SHROOM3: variants seen among roughly 807,000 people sequenced by gnomAD.
SHROOM3 encodes the protein shroom family member 3.
A neutral mutation model predicts 138.6 loss-of-function variants in SHROOM3; 47 were observed. The observed-to-expected ratio is 0.34, with a 90% CI of 0.27 to 0.43. SHROOM3 has a LOEUF of 0.43. Ranked by LOEUF, SHROOM3 falls within the 20% of genes least tolerant of loss-of-function variation. The pLI is 1.00. For missense variants in SHROOM3, 2,491 were observed against 2,596.5 expected, an observed-to-expected ratio of 0.96 and a Z score of 0.88; for synonymous variants, 1,062 against 1,063.3, an observed-to-expected ratio of 1.00 and a Z score of 0.02.
Position 76,775,659 on chromosome 4 carries a change from A to G in SHROOM3, c.5623-3150A>G, listed in dbSNP as rs1722528374. ...GAACCAGCCCAAATGCCCATCAATTAACAAGTGAATAAAGAAAATGTGTGT... is the reference window on the plus strand; with the variant it reads ...GAACCAGCCCAAATGCCCATCAATTGACAAGTGAATAAAGAAAATGTGTGT... On this transcript the variant is annotated intron_variant, in intron 10 of 10. Transcript: ENST00000296043. Among the ~76,000 whole-genome samples the G allele has an allele frequency of 3.3e-5, 5 of 151,470 alleles. No homozygotes were observed. The South Asian group carries it at 1.0e-3, about 32-fold the overall frequency.
intron 1 of SHROOM3, among the ~76,000 whole-genome samples, chr4:76,542,854 C>T (rs1470743820): frequency 1.3e-5 from 2 of 152,208 alleles, no homozygotes; most frequent in Non-Finnish European, 2.9e-5. Context: ...TGGCCCTAGA[C>T]CTTCTGGTAC....
Position 76,739,968 on chromosome 4 carries a change from C to G in SHROOM3, c.1795C>G (p.His599Asp). 6.2e-7 allele frequency: 1 copy of G among 1,614,154 alleles called. No individual in the cohort carries two copies. The highest frequency in any genetic ancestry group is 8.5e-7 in the Non-Finnish European group (1 of 1,180,046). ...CACCCACAGTAACAAACCATCTTCTCATCCCCACAGCCTCAAATGCCCTCA... is the reference window on the plus strand; with the variant it reads ...CACCCACAGTAACAAACCATCTTCTGATCCCCACAGCCTCAAATGCCCTCA... ...KSTHSNKPSS[H>D]PHSLKCPQAQ... Residue 599 changes from histidine (H) to aspartate (D), a missense_variant, in exon 5 of 11, where the codon CAT (histidine) becomes GAT (aspartate). This residue lies in a region of SHROOM3 where 1,733 missense variants were observed against 1,661.6 expected (regional missense o/e 1.04). Coordinates refer to ENST00000296043, the MANE Select transcript of SHROOM3 (RefSeq NM_020859.4).
In SHROOM3 at chr4:76,740,047, C is replaced by T; in HGVS notation, c.1874C>T (p.Pro625Leu). 2.5e-6 allele frequency: 4 copies of T among 1,613,864 alleles called. No individual in the cohort carries two copies. The highest frequency in any genetic ancestry group is 3.4e-6 in the Non-Finnish European group (4 of 1,180,032). Reference protein sequence around the residue: ...EDKRSSRLSEPWEGDFQEDHN... With the variant: ...EDKRSSRLSELWEGDFQEDHN... ...AAGAGATCTTCCAGGCTCTCAGAGC[C>T]CTGGGAGGGCGATTTCCAGGAAGAC... The change falls in exon 5 of 11, where the codon CCC (proline) becomes CTC (leucine). Residue 625 changes from proline (P) to leucine (L), a missense_variant. By Grantham distance (98) the Pro-to-Leu change is moderately conservative. Transcript: ENST00000296043. The surrounding 1 kb of genome is among the most constrained non-coding windows in gnomAD (Gnocchi z 4.0).
chr4:76,668,011 G>C (rs35610676), intron 2 of SHROOM3, among the ~76,000 whole-genome samples: 1 of 139,970 alleles, frequency 7.1e-6, no homozygotes, highest in African/African-American at 2.6e-5. Context: ...GCAGGTGCAC[G>C]CAGGGTGCGG....
At chr4:76,539,967 C>T (rs1185169241) in intron 1 of SHROOM3, among the ~76,000 whole-genome samples, 4 of 152,216 alleles carry the variant, frequency 2.6e-5, no homozygotes, top group Admixed American at 2.6e-4. Context: ...TCTGCCTCAG[C>T]CTTCCAAGTA....
intron 2 of SHROOM3, among the ~76,000 whole-genome samples, chr4:76,597,947 A>G (rs536604544): frequency 1.3e-5 from 2 of 152,102 alleles, no homozygotes; most frequent in Admixed American, 6.5e-5. Context: ...CTTTGTGAGC[A>G]TGCAAATCTG....
At chr4:76,624,026 A>G (rs1028055145) in intron 2 of SHROOM3, among the ~76,000 whole-genome samples, 1 of 152,148 alleles carries the variant, frequency 6.6e-6, no homozygotes, top group Non-Finnish European at 1.5e-5. Flanking sequence ...ATGGATTTTA[A>G]ATTTAGGTTA....
chr4:76,635,830 C>T (rs7694630), intron 2 of SHROOM3, among the ~76,000 whole-genome samples: 43,895 of 152,090 alleles, frequency 0.29, 6,502 homozygotes, highest in East Asian at 0.43. Context: ...GGCAAAAGCA[C>T]GCAGCAGAAC....
chr4:76,486,004 T>G (rs1324598941), intron 1 of SHROOM3, among the ~76,000 whole-genome samples: 2 of 152,152 alleles, frequency 1.3e-5, no homozygotes, highest in Non-Finnish European at 2.9e-5. Flanking sequence ...AATTTTTATT[T>G]TATTTATTTA....
intron 2 of SHROOM3, among the ~76,000 whole-genome samples, chr4:76,556,016 C>G (rs1405558920): frequency 6.6e-6 from 1 of 152,118 alleles, no homozygotes; most frequent in African/African-American, 2.4e-5. Flanking sequence ...AGGGATAGAC[C>G]TCACTGGACT....
At chr4:76,674,205 A>T (rs7695034) in intron 2 of SHROOM3, among the ~76,000 whole-genome samples, 97,119 of 152,096 alleles carry the variant, frequency 0.64, 31,616 homozygotes, top group East Asian at 0.94. Flanking sequence ...AATTAAAAAG[A>T]TGGACTTTTC....
intron 2 of SHROOM3, among the ~76,000 whole-genome samples, chr4:76,677,560 T>C (rs951137602): frequency 2.6e-5 from 4 of 152,182 alleles, no homozygotes; most frequent in African/African-American, 9.7e-5. Flanking sequence ...CTCTTACCAA[T>C]AGACAATGGC....
chr4:76,767,575 G>C (rs1455522252), intron 9 of SHROOM3, among the ~76,000 whole-genome samples: 1 of 152,110 alleles, frequency 6.6e-6, no homozygotes, highest in Non-Finnish European at 1.5e-5. Context: ...TACTCGGGAG[G>C]CTGAGGCAGG....
At chr4:76,494,142 G>A (rs940731351) in intron 1 of SHROOM3, among the ~76,000 whole-genome samples, 7 of 145,322 alleles carry the variant, frequency 4.8e-5, no homozygotes, top group Admixed American at 7.3e-5. Flanking sequence ...ATATCTGCTG[G>A]TGTGTGCCCC....
At chr4:76,501,705 G>T (rs1409468059) in intron 1 of SHROOM3, among the ~76,000 whole-genome samples, 2 of 152,110 alleles carry the variant, frequency 1.3e-5, no homozygotes, top group African/African-American at 4.8e-5. Flanking sequence ...TCATGTCTAC[G>T]TGATAAAGCC....
At chr4:76,721,876 A>G (rs1399827644) in intron 3 of SHROOM3, among the ~76,000 whole-genome samples, 2 of 152,254 alleles carry the variant, frequency 1.3e-5, no homozygotes, top group Non-Finnish European at 2.9e-5. Flanking sequence ...GAATACCAGA[A>G]GTAAATATGG....
At chr4:76,579,031 T>A (rs998617483) in intron 2 of SHROOM3, among the ~76,000 whole-genome samples, 2 of 151,762 alleles carry the variant, frequency 1.3e-5, no homozygotes, top group Non-Finnish European at 1.5e-5. Context: ...AAAAAAAAAA[T>A]TAGCTGGGTG....
chr4:76,755,092 G>A lies in SHROOM3; in HGVS notation c.4609G>A (p.Glu1537Lys). 1 of 1,596,710 alleles carries A rather than the reference G, an allele frequency of 6.3e-7. No individual in the cohort carries two copies. The change falls in exon 7 of 11, where the codon GAA (glutamate) becomes AAA (lysine). Residue 1537 changes from glutamate to lysine, a missense_variant. Physicochemically the swap from Glu to Lys is moderately conservative, Grantham distance 56 (BLOSUM62 1). Coordinates refer to ENST00000296043, the MANE Select transcript of SHROOM3 (RefSeq NM_020859.4). Reference sequence around the variant, plus strand: ...ACCCCCACCTCCTCCACCGAGTCAGGAAACCCCGGTGTATAGCATGGATGA... The same window carrying A: ...ACCCCCACCTCCTCCACCGAGTCAGAAAACCCCGGTGTATAGCATGGATGA... The part of the protein sequence containing the change: ...PPPPPPPPSQ[E>K]TPVYSMDDFP...
intron 2 of SHROOM3, among the ~76,000 whole-genome samples, chr4:76,604,544 C>A (rs1734576829): frequency 6.6e-6 from 1 of 152,174 alleles, no homozygotes. Context: ...AACAAAGGCA[C>A]TTGATCAAAA....
Sources: allele counts gnomAD v4.1 joint callset (sites outside exome capture counted in the v4.1 genomes callset), GRCh38; gene constraint gnomAD v4.1.1; regional missense constraint gnomAD v4.1.1; non-coding constraint Gnocchi (gnomAD v3.1); transcripts MANE v1.5; gene names NCBI Gene and HGNC (gene_info 2026-07-23, HGNC 2026-07-21).